The following SLC6A6 variants were observed in gnomAD, a reference collection of about 807,000 sequenced individuals.
SLC6A6 encodes sodium- and chloride-dependent taurine transporter.
Under a neutral mutation model 68.8 loss-of-function variants are expected in SLC6A6, and 16 were observed. The observed-to-expected ratio is 0.23, with a 90% CI of 0.16 to 0.35. The LOEUF is 0.35. SLC6A6 is among the 10% of genes least tolerant of loss of function. The pLI, the probability that SLC6A6 is intolerant of heterozygous loss-of-function variation, is 1.00. For synonymous variants in SLC6A6, 312 were observed against 315.4 expected, an observed-to-expected ratio of 0.99 and a Z score of 0.12; for missense variants, 474 against 802.8, an observed-to-expected ratio of 0.59 and a Z score of 4.95.
chr3:14,424,212 G>A (rs552056900), intron 2 of SLC6A6, among the ~76,000 whole-genome samples: 2 of 152,188 alleles, frequency 1.3e-5, no homozygotes, highest in East Asian at 3.9e-4. Flanking sequence ...GACTTTTGCT[G>A]TGGTTCAGGC....
chr3:14,461,522 C>A (rs1192538357), intron 6 of SLC6A6, among the ~76,000 whole-genome samples: 1 of 152,214 alleles, frequency 6.6e-6, no homozygotes, highest in East Asian at 1.9e-4. Context: ...GACACTCACA[C>A]AGGAAGTGCA....
chr3:14,406,067 C>A (rs1031634182), intron 1 of SLC6A6, among the ~76,000 whole-genome samples: 1 of 152,122 alleles, frequency 6.6e-6, no homozygotes, highest in Non-Finnish European at 1.5e-5. Context: ...GGCAGAGTAG[C>A]CACAAGGGCA....
At chr3:14,475,586 G>C (rs1214665341) in intron 10 of SLC6A6, among the ~76,000 whole-genome samples, 1 of 152,240 alleles carries the variant, frequency 6.6e-6, no homozygotes, top group African/African-American at 2.4e-5. Flanking sequence ...GAAGAGGCTG[G>C]TGGAGAAGGG....
chr3:14,413,925 TCA>T (rs1408170508), intron 1 of SLC6A6, among the ~76,000 whole-genome samples: 2 of 152,220 alleles, frequency 1.3e-5, no homozygotes, highest in Non-Finnish European at 2.9e-5. Flanking sequence ...CAAACAGACT[TCA>T]GTTTTATTTT....
chr3:14,463,001 C>A (rs186817002), intron 6 of SLC6A6, among the ~76,000 whole-genome samples: 3 of 152,326 alleles, frequency 2.0e-5, no homozygotes, highest in African/African-American at 7.2e-5. Context: ...TGCTGAAGAA[C>A]AGAAAGCAGG....
intron 2 of SLC6A6, among the ~76,000 whole-genome samples, chr3:14,432,012 A>G (rs930502521): frequency 6.6e-6 from 1 of 152,110 alleles, no homozygotes; most frequent in Admixed American, 6.6e-5. Context: ...GAGCGCCCTG[A>G]CTGGTTTCCA....
Position 14,487,205 on chromosome 3 carries a change from C to T in SLC6A6, c.*2198C>T. 1 of 152,784 alleles carries T rather than the reference C, an allele frequency of 6.5e-6. No individual in the cohort carries two copies. Among genetic ancestry groups the T allele is most frequent in the Non-Finnish European group, 1.5e-5 (1 of 68,042 alleles). The allele number at this position is 152,784 out of a possible 1,614,324, so 9.5% of individuals were successfully genotyped here. ...TTTTGGGTTGGTAGGCAAATTGCAACATTCTGGACATGGCCTGAGGAAGGC... is the reference window on the plus strand; with the variant it reads ...TTTTGGGTTGGTAGGCAAATTGCAATATTCTGGACATGGCCTGAGGAAGGC... On this transcript the variant is annotated 3_prime_UTR_variant, in exon 15 of 15. Coordinates refer to ENST00000622186, the MANE Select transcript of SLC6A6 (RefSeq NM_003043.6).
At chr3:14,474,740 C>T (rs1484386204) in intron 10 of SLC6A6, among the ~76,000 whole-genome samples, 21 of 152,164 alleles carry the variant, frequency 1.4e-4, no homozygotes, top group Non-Finnish European at 1.5e-5. Context: ...CTCTTACCTG[C>T]TAGTTTGTCC....
intron 14 of SLC6A6, 81 bp from the exon 15 acceptor site, chr3:14,484,786 C>A: frequency 2.1e-6 from 3 of 1,455,514 alleles, no homozygotes; most frequent in Non-Finnish European, 1.9e-6. Flanking sequence ...TGAGCCAATT[C>A]AGGAGGAGGC....
Position 14,481,950 on chromosome 3 carries a change from T to G in SLC6A6, c.1722+109T>G, listed in dbSNP as rs969291811. The G allele has an allele frequency of 1.1e-6, 1 of 870,242 alleles. No homozygotes were observed. The highest frequency in any genetic ancestry group is 1.8e-6 in the Non-Finnish European group (1 of 554,764). The allele number at this position is 870,242 out of a possible 1,614,324, so 53.9% of individuals were successfully genotyped here. On this transcript the variant is annotated intron_variant, in intron 14 of 14. Transcript: ENST00000622186. This position sits in a 1 kb window ranked among gnomAD's most constrained non-coding sequence, Gnocchi z 4.7. ...CAAGTCACCTGCCCTCTCTGAGCCATAGTTCCCTCACCCATCCAGTGGTTC... is the reference window on the plus strand; with the variant it reads ...CAAGTCACCTGCCCTCTCTGAGCCAGAGTTCCCTCACCCATCCAGTGGTTC...
At chr3:14,439,422 C>T (rs766860831) in intron 2 of SLC6A6, among the ~76,000 whole-genome samples, 4 of 152,196 alleles carry the variant, frequency 2.6e-5, no homozygotes, top group Non-Finnish European at 4.4e-5. Flanking sequence ...GCTGCACCTG[C>T]CTGCGTGTGT....
At chr3:14,479,821 G>T (rs1182467695) in intron 13 of SLC6A6, among the ~76,000 whole-genome samples, 1 of 152,236 alleles carries the variant, frequency 6.6e-6, no homozygotes, top group Admixed American at 6.5e-5. Context: ...TCGCACTCCA[G>T]GGTGCCAGTG....
At chr3:14,459,060 G>T (rs1700434877) in intron 6 of SLC6A6, among the ~76,000 whole-genome samples, 3 of 152,198 alleles carry the variant, frequency 2.0e-5, no homozygotes, top group African/African-American at 7.2e-5. Context: ...AGGCTGGTGC[G>T]GGGGTATGTT....
chr3:14,467,313 G>A (rs1700642879), intron 7 of SLC6A6, among the ~76,000 whole-genome samples: 1 of 152,178 alleles, frequency 6.6e-6, no homozygotes, highest in Non-Finnish European at 1.5e-5. Context: ...CTGGGAACGA[G>A]CTGCTTAGTG....
chr3:14,472,367 C>T lies in SLC6A6; in HGVS notation c.1209+50C>T. 2 of 1,159,674 alleles carry T rather than the reference C, an allele frequency of 1.7e-6. No homozygotes were observed. Among genetic ancestry groups the T allele is most frequent in the Non-Finnish European group, 2.6e-6 (2 of 769,210 alleles). The allele number at this position is 1,159,674 out of a possible 1,614,324, so 71.8% of individuals were successfully genotyped here. On this transcript the variant is annotated intron_variant, in intron 10 of 14. Coordinates refer to ENST00000622186, the MANE Select transcript of SLC6A6 (RefSeq NM_003043.6). This position sits in a 1 kb window ranked among gnomAD's most constrained non-coding sequence, Gnocchi z 4.5. ...GCGACTGCCCCTGTGGGGAACCTGA[C>T]TCTGGGAAAGACTCCTTATTCCACC... is the stretch of plus-strand genomic sequence containing the variant.
intron 2 of SLC6A6, among the ~76,000 whole-genome samples, chr3:14,427,969 C>T (rs1431154950): frequency 3.9e-5 from 6 of 152,218 alleles, no homozygotes; most frequent in African/African-American, 9.6e-5. Context: ...ATCTGGCCCT[C>T]GGCTCCTCCA....
chr3:14,411,707 C>A lies in SLC6A6; in HGVS notation c.-53-4705C>A, dbSNP rs182231075. Among the ~76,000 whole-genome samples the A allele has an allele frequency of 1.7e-3, 266 of 152,332 alleles. 1 individual carries two copies. The highest frequency in any genetic ancestry group is 3.0e-3 in the Non-Finnish European group (204 of 68,034). Reference sequence around the variant, plus strand: ...ATTCCTTCTACTCTGAAATGGGAACCTATGGTTTGAACATCTGAGTGGCTC... The same window carrying A: ...ATTCCTTCTACTCTGAAATGGGAACATATGGTTTGAACATCTGAGTGGCTC... On this transcript the variant is annotated intron_variant, in intron 1 of 14. Transcript: ENST00000622186.
intron 2 of SLC6A6, among the ~76,000 whole-genome samples, chr3:14,425,722 G>T (rs1365387181): frequency 3.3e-5 from 5 of 152,044 alleles, no homozygotes; most frequent in Non-Finnish European, 7.4e-5. Flanking sequence ...GGGGCAGGGA[G>T]GGTGGAAGGC....
At chr3:14,421,200 C>G (rs1352965451) in intron 2 of SLC6A6, among the ~76,000 whole-genome samples, 17 of 152,198 alleles carry the variant, frequency 1.1e-4, no homozygotes, top group Admixed American at 1.1e-3. Flanking sequence ...AGCCCCCAGT[C>G]TGCCAGCCTT....
Sources: allele counts gnomAD v4.1 joint callset (sites outside exome capture counted in the v4.1 genomes callset), GRCh38; gene constraint gnomAD v4.1.1; non-coding constraint Gnocchi (gnomAD v3.1); transcripts MANE v1.5; gene names NCBI Gene and HGNC (gene_info 2026-07-23, HGNC 2026-07-21).